Variants in MINDY2 observed in about 807,000 individuals in gnomAD.
MINDY2 encodes ubiquitin carboxyl-terminal hydrolase MINDY-2.
A neutral mutation model predicts 68.2 loss-of-function variants in MINDY2; 52 were observed. The ratio of observed to expected loss-of-function variants is 0.76; its 90% CI spans 0.61 to 0.96. The LOEUF is 0.96. Among genes scored for constraint, MINDY2 ranks in the 40% least tolerant of loss-of-function variants. The pLI is 0.00. For missense variants in MINDY2, 881 were observed against 773.4 expected, an observed-to-expected ratio of 1.14 and a Z score of -1.65; for synonymous variants, 372 against 303.0, an observed-to-expected ratio of 1.23 and a Z score of -2.36.
At chr15:58,785,135 C>CAAAAAAAAAAAAA (rs397719705) in intron 1 of MINDY2, among the ~76,000 whole-genome samples, 1 of 68,464 alleles carries the variant, frequency 1.5e-5, no homozygotes, top group Non-Finnish European at 2.7e-5. Flanking sequence ...TGAAGGAAAG[C>CAAAAAAAAAAAAA]AAAAAAAAAA....
At chr15:58,830,041 C>T (rs553129192) in intron 5 of MINDY2, among the ~76,000 whole-genome samples, 4 of 152,226 alleles carry the variant, frequency 2.6e-5, no homozygotes, top group East Asian at 1.9e-4. Context: ...TTCCCTCCTC[C>T]CCCATTGCTT....
chr15:58,853,821 A>T (rs1186862128), intron 8 of MINDY2, among the ~76,000 whole-genome samples: 1 of 21,600 alleles, frequency 4.6e-5, no homozygotes, highest in Non-Finnish European at 2.3e-4. Flanking sequence ...CATCTCAATA[A>T]AAAAAAAAAA....
chr15:58,831,754 G>GT lies in MINDY2; in HGVS notation c.1226-18dup. ...TTTTGAAATTATTCTTCTATCTAATGTTATGCATTGGTTCTATAGGCTTTG... is the reference window on the plus strand; with the variant it reads ...TTTTGAAATTATTCTTCTATCTAATGTTTATGCATTGGTTCTATAGGCTTTG... On this transcript the variant is annotated intron_variant, in intron 5 of 8. Coordinates refer to ENST00000559228, the MANE Select transcript of MINDY2 (RefSeq NM_001040450.3). The GT allele has an allele frequency of 6.3e-7, 1 of 1,595,150 alleles. No individual in the cohort carries two copies. The highest frequency in any genetic ancestry group is 2.3e-5 in the East Asian group (1 of 44,432).
intron 6 of MINDY2, 120 bp from the exon 7 acceptor site, chr15:58,847,177 C>G (rs2032577271): frequency 1.4e-6 from 1 of 738,564 alleles, no homozygotes; most frequent in Non-Finnish European, 2.1e-6. Context: ...TTGTACAGAT[C>G]TAAACAGTAG....
At position 58,840,984 on chromosome 15, in the gene MINDY2, T is replaced by A. The variant is rs562235627; in HGVS notation, c.1369-6313T>A. 3.5e-3 allele frequency among the ~76,000 whole-genome samples: 494 copies of A among 141,680 alleles called. 1 individual carries two copies. The highest frequency in any genetic ancestry group is 0.012 in the African/African-American group (441 of 37,284). The allele number at this position is 141,680 out of a possible 152,430, so 92.9% of individuals were successfully genotyped here. ...CGCCTGGCCAATTTTTTTTTTTTTT[T>A]AATTTTTTTTGGTGTGTGAGACACT... On this transcript the variant is annotated intron_variant, in intron 6 of 8. Transcript: ENST00000559228.
chr15:58,830,272 A>C (rs557378782), intron 5 of MINDY2, among the ~76,000 whole-genome samples: 1 of 152,226 alleles, frequency 6.6e-6, no homozygotes, highest in South Asian at 2.1e-4. Context: ...TGATCAGTAC[A>C]TAAACTTGTT....
intron 2 of MINDY2, among the ~76,000 whole-genome samples, chr15:58,801,378 C>CT (rs1413659469): frequency 9.8e-5 from 5 of 50,856 alleles, no homozygotes; most frequent in Admixed American, 3.9e-4. Flanking sequence ...GACCCCATCT[C>CT]TTAAAAAAAA....
intron 1 of MINDY2, among the ~76,000 whole-genome samples, chr15:58,776,595 A>AG (rs1231421389): frequency 6.6e-6 from 1 of 152,248 alleles, no homozygotes; most frequent in Non-Finnish European, 1.5e-5. Context: ...TGACAGGTGT[A>AG]GGGACAAGGT....
chr15:58,808,569 A>T (rs2029983343), intron 3 of MINDY2, among the ~76,000 whole-genome samples: 1 of 151,912 alleles, frequency 6.6e-6, no homozygotes, highest in African/African-American at 2.4e-5. Flanking sequence ...TAATTGTGTT[A>T]AAAACCACAT....
intron 3 of MINDY2, 144 bp from the exon 4 acceptor site, chr15:58,810,086 G>GTAGA (rs1311778778): frequency 1.4e-6 from 1 of 723,072 alleles, no homozygotes; most frequent in East Asian, 2.8e-5. Context: ...CTGACACATA[G>GTAGA]TAGATACTCA....
intron 6 of MINDY2, among the ~76,000 whole-genome samples, chr15:58,836,038 T>G (rs2031976708): frequency 6.6e-6 from 1 of 151,782 alleles, no homozygotes; most frequent in Non-Finnish European, 1.5e-5. Context: ...GCCTCCAGAG[T>G]AGCTGGGACT....
intron 4 of MINDY2, among the ~76,000 whole-genome samples, chr15:58,814,122 T>G (rs1296713628): frequency 6.6e-6 from 1 of 151,854 alleles, no homozygotes; most frequent in Non-Finnish European, 1.5e-5. Flanking sequence ...GTATTTTTAG[T>G]AGAGACAGGG....
intron 5 of MINDY2, among the ~76,000 whole-genome samples, chr15:58,827,732 A>G (rs148534070): frequency 0.011 from 1,695 of 152,070 alleles, 64 homozygotes; most frequent in East Asian, 0.084. Context: ...GATTACAGGC[A>G]TGAGCCACCG....
intron 5 of MINDY2, among the ~76,000 whole-genome samples, chr15:58,824,216 C>T (rs1472752186): frequency 1.3e-5 from 2 of 152,162 alleles, no homozygotes; most frequent in Non-Finnish European, 2.9e-5. Flanking sequence ...TCCTTCATTA[C>T]TTCTTTTTCC....
chr15:58,811,592 T>C (rs1324863923), intron 4 of MINDY2, among the ~76,000 whole-genome samples: 3 of 152,112 alleles, frequency 2.0e-5, no homozygotes, highest in African/African-American at 7.2e-5. Context: ...AGCACAGAGC[T>C]CCTGACGAGG....
At chr15:58,829,191 T>C (rs1318984892) in intron 5 of MINDY2, among the ~76,000 whole-genome samples, 1 of 152,210 alleles carries the variant, frequency 6.6e-6, no homozygotes, top group Non-Finnish European at 1.5e-5. Context: ...TAAAGGCTAA[T>C]TAATTATAAA....
chr15:58,792,293 C>T lies in MINDY2; in HGVS notation c.898+4330C>T, dbSNP rs28734829. Among the ~76,000 whole-genome samples the T allele has an allele frequency of 6.3e-3, 955 of 152,310 alleles. 14 individuals are homozygous for T. Among genetic ancestry groups the T allele is most frequent in the African/African-American group, 0.021 (884 of 41,576 alleles). ...GGTATTTACCCAAGAGAAGTGAAAA[C>T]GTATGTCCATACAGCTTGTATAAAA... On this transcript the variant is annotated intron_variant, in intron 2 of 8. Transcript: ENST00000559228.
intron 6 of MINDY2, among the ~76,000 whole-genome samples, chr15:58,841,724 C>CAGT (rs1466905608): frequency 2.6e-5 from 4 of 152,134 alleles, no homozygotes; most frequent in African/African-American, 9.7e-5. Flanking sequence ...TTTTCAACAG[C>CAGT]ATAACTAGAT....
In MINDY2 at chr15:58,840,510, A is replaced by C. The variant is rs533869909; in HGVS notation, c.1369-6787A>C. 2.6e-5 allele frequency among the ~76,000 whole-genome samples: 4 copies of C among 152,188 alleles called. No individual in the cohort carries two copies. The East Asian group carries it at 7.7e-4, about 29-fold the overall frequency. On this transcript the variant is annotated intron_variant, in intron 6 of 8. Transcript: ENST00000559228. ...CTATCTATTGGCAACAAATAGGAAT[A>C]GCCCTAATTTCTGCTATCATTTATA...
Sources: gnomAD v4.1 joint callset for allele counts (sites outside exome capture counted in the v4.1 genomes callset) on GRCh38, gnomAD v4.1.1 for gene constraint, MANE v1.5 for transcripts, NCBI Gene and HGNC (gene_info 2026-07-23, HGNC 2026-07-21) for gene names.